Variants in NUDT3 observed in about 807,000 individuals in gnomAD.
NUDT3 encodes the protein nudix hydrolase 3.
Under a neutral mutation model 23.6 loss-of-function variants are expected in NUDT3, and 9 were observed. The observed-to-expected ratio is 0.38, with a 90% CI of 0.23 to 0.66. NUDT3 has a LOEUF of 0.66. NUDT3 is among the 30% of genes least tolerant of loss of function. NUDT3 has a pLI of 0.52. For synonymous variants in NUDT3, 86 were observed against 82.6 expected, an observed-to-expected ratio of 1.04 and a Z score of -0.22; for missense variants, 172 against 218.5, an observed-to-expected ratio of 0.79 and a Z score of 1.34.
At chr6:34,346,636 A>C (rs1480995591) in intron 1 of NUDT3, among the ~76,000 whole-genome samples, 2 of 152,190 alleles carry the variant, frequency 1.3e-5, no homozygotes, top group African/African-American at 4.8e-5. Context: ...GGCTGAAGGA[A>C]GCAAGCCTCA....
At chr6:34,345,600 T>G (rs997759202) in intron 1 of NUDT3, among the ~76,000 whole-genome samples, 26 of 132,936 alleles carry the variant, frequency 2.0e-4, no homozygotes, top group Non-Finnish European at 2.9e-4. Context: ...GAGGTGGAGC[T>G]GGCAGTGAAC....
chr6:34,298,187 C>A (rs1763544637), intron 2 of NUDT3, among the ~76,000 whole-genome samples: 1 of 151,868 alleles, frequency 6.6e-6, no homozygotes, highest in Non-Finnish European at 1.5e-5. Context: ...TAAGGTGAAA[C>A]CCCATCTCTA....
At chr6:34,348,283 T>C (rs1325051661) in intron 1 of NUDT3, among the ~76,000 whole-genome samples, 1 of 150,368 alleles carries the variant, frequency 6.7e-6, no homozygotes, top group Non-Finnish European at 1.5e-5. Flanking sequence ...TGAAACCCTG[T>C]CTCAAAAAAA....
chr6:34,354,947 A>G (rs1255638195), intron 1 of NUDT3, among the ~76,000 whole-genome samples: 2 of 151,534 alleles, frequency 1.3e-5, no homozygotes, highest in African/African-American at 4.8e-5. Flanking sequence ...AGGATTTTCT[A>G]TATAGATGAT....
intron 4 of NUDT3, among the ~76,000 whole-genome samples, chr6:34,291,402 A>G (rs754454585): frequency 6.6e-6 from 1 of 152,140 alleles, no homozygotes; most frequent in Non-Finnish European, 1.5e-5. Context: ...TTATACTGCA[A>G]AAGTGCTTTA....
intron 2 of NUDT3, among the ~76,000 whole-genome samples, chr6:34,313,255 A>AAG (rs1763803113): frequency 6.6e-6 from 1 of 152,170 alleles, no homozygotes; most frequent in Non-Finnish European, 1.5e-5. Context: ...GTCAATCTGA[A>AAG]AAGGCTACAT....
chr6:34,354,297 C>T (rs1375699638), intron 1 of NUDT3, among the ~76,000 whole-genome samples: 1 of 151,978 alleles, frequency 6.6e-6, no homozygotes. Context: ...AGGCATGAGC[C>T]ACTGGGCCTG....
chr6:34,348,848 G>T (rs972083810), intron 1 of NUDT3, among the ~76,000 whole-genome samples: 6 of 151,032 alleles, frequency 4.0e-5, no homozygotes, highest in African/African-American at 1.5e-4. Flanking sequence ...ATGGAGAAAT[G>T]ATATGGGAAG....
At chr6:34,374,076 G>A (rs2113762137) in intron 1 of NUDT3, among the ~76,000 whole-genome samples, 1 of 143,718 alleles carries the variant, frequency 7.0e-6, no homozygotes, top group East Asian at 2.1e-4. Context: ...AGAATCACTT[G>A]AACCTGGGAG....
chr6:34,357,895 T>C (rs1764587238), intron 1 of NUDT3, among the ~76,000 whole-genome samples: 2 of 152,182 alleles, frequency 1.3e-5, no homozygotes, highest in South Asian at 4.1e-4. Flanking sequence ...ACAATGAAAT[T>C]ATCCCAGGTT....
chr6:34,339,577 C>G (rs1764258457), intron 2 of NUDT3, among the ~76,000 whole-genome samples: 1 of 152,240 alleles, frequency 6.6e-6, no homozygotes, highest in African/African-American at 2.4e-5. Context: ...ATCAATTACA[C>G]TCTGAGTAGC....
intron 1 of NUDT3, among the ~76,000 whole-genome samples, chr6:34,366,134 A>G (rs893706497): frequency 6.6e-5 from 10 of 151,442 alleles, no homozygotes; most frequent in Non-Finnish European, 1.5e-4. Context: ...TGGGAGACCA[A>G]GGCCAGCAGA....
intron 2 of NUDT3, among the ~76,000 whole-genome samples, chr6:34,324,353 T>C (rs1763990912): frequency 7.1e-6 from 1 of 141,676 alleles, no homozygotes. Flanking sequence ...AGACTACGCT[T>C]CCAAAAAAAA....
At chr6:34,382,220 ACC>A (rs1274186688) in intron 1 of NUDT3, among the ~76,000 whole-genome samples, 1 of 151,538 alleles carries the variant, frequency 6.6e-6, no homozygotes, top group African/African-American at 2.4e-5. Context: ...ACATAATGAA[ACC>A]TCATCTCTAC....
intron 1 of NUDT3, among the ~76,000 whole-genome samples, chr6:34,356,779 GTTTT>G (rs201105257): frequency 1.3e-5 from 2 of 151,556 alleles, no homozygotes; most frequent in Admixed American, 1.3e-4. Flanking sequence ...AATTGTGGGG[GTTTT>G]TTTTGTTTTC....
At chr6:34,389,501 T>C (rs1216402439) in intron 1 of NUDT3, among the ~76,000 whole-genome samples, 2 of 152,082 alleles carry the variant, frequency 1.3e-5, no homozygotes, top group East Asian at 1.9e-4. Context: ...CTACATAAAA[T>C]TTAAAAATCA....
chr6:34,322,857 G>A (rs1763966796), intron 2 of NUDT3, among the ~76,000 whole-genome samples: 2 of 152,172 alleles, frequency 1.3e-5, no homozygotes, highest in South Asian at 4.1e-4. Context: ...CAACCCAAGT[G>A]CCCATCAATA....
At chr6:34,356,093 CTG>C (rs1456860219) in intron 1 of NUDT3, among the ~76,000 whole-genome samples, 2 of 152,194 alleles carry the variant, frequency 1.3e-5, no homozygotes, top group East Asian at 3.9e-4. Flanking sequence ...CTGGCTGTGT[CTG>C]TGATACTGGA....
chr6:34,292,002 TCAG>T (rs1259142313), intron 4 of NUDT3, among the ~76,000 whole-genome samples: 24 of 152,286 alleles, frequency 1.6e-4, no homozygotes, highest in African/African-American at 5.5e-4. Context: ...GGGTCAATTC[TCAG>T]AAGTGGGAGT....
Sources: allele counts gnomAD v4.1 joint callset (sites outside exome capture counted in the v4.1 genomes callset), GRCh38; gene constraint gnomAD v4.1.1; transcripts MANE v1.5; gene names NCBI Gene and HGNC (gene_info 2026-07-23, HGNC 2026-07-21).